Variants in LDB2 observed in about 807,000 individuals in gnomAD.
LDB2 encodes the protein LIM domain-binding protein 2.
LDB2 carries 12 observed loss-of-function variants against 44.3 expected under a neutral mutation model. That is an observed-to-expected ratio of 0.27 (90% CI 0.17 to 0.44). The LOEUF is 0.44. LDB2 is among the 20% of genes least tolerant of loss of function. The pLI is 1.00. For synonymous variants in LDB2, 164 were observed against 174.8 expected, an observed-to-expected ratio of 0.94 and a Z score of 0.49; for missense variants, 344 against 473.5, an observed-to-expected ratio of 0.73 and a Z score of 2.54.
chr4:16,723,372 G>A (rs1389715403), intron 2 of LDB2, among the ~76,000 whole-genome samples: 4 of 152,156 alleles, frequency 2.6e-5, no homozygotes, highest in African/African-American at 9.7e-5. Flanking sequence ...GCAAGTGTGA[G>A]AGAGCTCGCT....
chr4:16,820,009 A>C (rs1165059193), intron 1 of LDB2, among the ~76,000 whole-genome samples: 2 of 152,228 alleles, frequency 1.3e-5, no homozygotes, highest in African/African-American at 4.8e-5. Context: ...GCCAACAAGC[A>C]TGATATATTT....
chr4:16,676,676 A>G (rs944267389), intron 2 of LDB2, among the ~76,000 whole-genome samples: 2 of 152,276 alleles, frequency 1.3e-5, no homozygotes, highest in African/African-American at 4.8e-5. Flanking sequence ...TCCAAATGAG[A>G]ACTCAGGAAT....
rs139952745 is a variant in LDB2 at position 16,883,018 on chromosome 4, C to T, written c.132+15336G>A. Reference sequence around the variant, plus strand: ...GCATTTCGAGCTTATTTTATGAGGACGGAAAAAAAACAACCATCGAGCCTT... The same window carrying T: ...GCATTTCGAGCTTATTTTATGAGGATGGAAAAAAAACAACCATCGAGCCTT... On this transcript the variant is annotated intron_variant, in intron 1 of 7. Coordinates refer to ENST00000304523, the MANE Select transcript of LDB2 (RefSeq NM_001290.5). Among the ~76,000 whole-genome samples the T allele has an allele frequency of 4.5e-4, 68 of 152,116 alleles. No homozygotes were observed. The East Asian group carries it at 0.011, about 24-fold the overall frequency.
chr4:16,558,980 G>A (rs953984260), intron 5 of LDB2, among the ~76,000 whole-genome samples: 2 of 152,080 alleles, frequency 1.3e-5, no homozygotes, highest in Non-Finnish European at 2.9e-5. Context: ...AGTAAGTGAA[G>A]GAGAACTAAA....
At chr4:16,595,079 A>C (rs184699220) in intron 3 of LDB2, among the ~76,000 whole-genome samples, 1 of 152,270 alleles carries the variant, frequency 6.6e-6, no homozygotes, top group Non-Finnish European at 1.5e-5. Context: ...TTAAATCTCC[A>C]TCTCTTCTAT....
chr4:16,692,219 T>C (rs903331694), intron 2 of LDB2, among the ~76,000 whole-genome samples: 6 of 152,194 alleles, frequency 3.9e-5, no homozygotes, highest in Admixed American at 2.6e-4. Context: ...ACTTATGAGT[T>C]ATACATCAGA....
At chr4:16,789,612 C>A (rs192167482) in intron 1 of LDB2, among the ~76,000 whole-genome samples, 2 of 152,158 alleles carry the variant, frequency 1.3e-5, no homozygotes, top group Admixed American at 6.5e-5. Context: ...AGACACTCAC[C>A]GAATATTTCA....
chr4:16,614,597 A>AAAAAAAAG (rs1726664186), intron 2 of LDB2, among the ~76,000 whole-genome samples: 1 of 151,304 alleles, frequency 6.6e-6, no homozygotes, highest in Admixed American at 6.6e-5. Context: ...AAAAAAAAAA[A>AAAAAAAAG]AAAACAAGCA....
At chr4:16,766,333 G>T (rs1769195321) in intron 1 of LDB2, among the ~76,000 whole-genome samples, 1 of 151,362 alleles carries the variant, frequency 6.6e-6, no homozygotes, top group Non-Finnish European at 1.5e-5. Flanking sequence ...ACTGTGATTT[G>T]TTTAAATTTA....
intron 1 of LDB2, among the ~76,000 whole-genome samples, chr4:16,857,501 C>T (rs1789590669): frequency 6.6e-6 from 1 of 152,206 alleles, no homozygotes; most frequent in Non-Finnish European, 1.5e-5. Flanking sequence ...CCTGTGGCTT[C>T]CCACTGGACA....
intron 2 of LDB2, among the ~76,000 whole-genome samples, chr4:16,732,445 G>T (rs1410141530): frequency 1.3e-5 from 2 of 152,178 alleles, no homozygotes; most frequent in African/African-American, 4.8e-5. Context: ...AGCTGCAAAT[G>T]CTATATAATG....
chr4:16,622,977 C>G (rs1729297486), intron 2 of LDB2, among the ~76,000 whole-genome samples: 1 of 152,222 alleles, frequency 6.6e-6, no homozygotes, highest in Non-Finnish European at 1.5e-5. Flanking sequence ...CCACTAGACA[C>G]TTTGAGCCAA....
intron 2 of LDB2, among the ~76,000 whole-genome samples, chr4:16,611,289 A>G (rs1204243204): frequency 2.0e-5 from 3 of 152,214 alleles, no homozygotes; most frequent in Non-Finnish European, 4.4e-5. Flanking sequence ...CAATGACACT[A>G]CAAAGAAACT....
chr4:16,808,131 C>A (rs527990003), intron 1 of LDB2, among the ~76,000 whole-genome samples: 54 of 152,230 alleles, frequency 3.5e-4, no homozygotes, highest in African/African-American at 1.2e-3. Context: ...GAAAGGAAAG[C>A]AGAAAATTCA....
At chr4:16,868,060 C>T (rs1715284038) in intron 1 of LDB2, among the ~76,000 whole-genome samples, 1 of 152,186 alleles carries the variant, frequency 6.6e-6, no homozygotes, top group South Asian at 2.1e-4. Flanking sequence ...ATGCATTTTC[C>T]ACACCTTTCT....
intron 5 of LDB2, among the ~76,000 whole-genome samples, chr4:16,576,081 A>G (rs1310090149): frequency 6.6e-6 from 1 of 152,214 alleles, no homozygotes; most frequent in Non-Finnish European, 1.5e-5. Context: ...AAACCTATGG[A>G]TACAACAAAA....
chr4:16,870,066 T>C (rs563679631), intron 1 of LDB2, among the ~76,000 whole-genome samples: 145 of 152,230 alleles, frequency 9.5e-4, no homozygotes, highest in Admixed American at 2.9e-3. Flanking sequence ...AAATGCTTTA[T>C]TGGAAGAAGC....
At chr4:16,585,799 T>C (rs1716581233) in intron 5 of LDB2, 123 bp downstream of exon 5, 3 of 660,554 alleles carry the variant, frequency 4.5e-6, no homozygotes, top group Non-Finnish European at 8.2e-6. Context: ...ATACATCTGG[T>C]ACAGAACATA....
At chr4:16,885,166 A>C (rs1328426029) in intron 1 of LDB2, among the ~76,000 whole-genome samples, 3 of 150,544 alleles carry the variant, frequency 2.0e-5, no homozygotes, top group Non-Finnish European at 2.9e-5. Context: ...AAAAAAAAAA[A>C]AAAAAAAAAA....
Sources: allele counts gnomAD v4.1 joint callset (sites outside exome capture counted in the v4.1 genomes callset), GRCh38; gene constraint gnomAD v4.1.1; transcripts MANE v1.5; gene names NCBI Gene and HGNC (gene_info 2026-07-23, HGNC 2026-07-21).